The following NCR1 variants were observed in gnomAD, a reference collection of about 807,000 sequenced individuals.
NCR1 encodes the protein NK cell-activating receptor.
Under a neutral mutation model 32.5 loss-of-function variants are expected in NCR1, and 30 were observed. That is an observed-to-expected ratio of 0.92 (90% CI 0.69 to 1.25). The LOEUF is 1.25. NCR1 is among the 50% of genes most tolerant of loss of function. The pLI is 0.00. For synonymous variants in NCR1, 169 were observed against 143.4 expected (o/e 1.18, Z -1.28); for missense variants, 369 against 380.7 (o/e 0.97, Z 0.26).
chr19:54,918,553 C>T (rs1002960294), downstream of NCR1, among the ~76,000 whole-genome samples: 8 of 152,024 alleles, frequency 5.3e-5, no homozygotes, highest in Non-Finnish European at 1.0e-4. Context: ...AGATTACAGG[C>T]GTGAGCGACC....
the NCR1 span, among the ~76,000 whole-genome samples, chr19:54,934,314 T>C: frequency 6.6e-6 from 1 of 152,128 alleles, no homozygotes; most frequent in African/African-American, 2.4e-5. The surrounding 1 kb of genome is among the most constrained non-coding windows in gnomAD (Gnocchi z 6.7). Context: ...TGAACTCAGA[T>C]GATCCGCCCA....
chr19:54,903,211 C>T (rs1055312703), upstream of NCR1, among the ~76,000 whole-genome samples: 2 of 151,420 alleles, frequency 1.3e-5, no homozygotes, highest in Non-Finnish European at 2.9e-5. Flanking sequence ...CATGTATCCA[C>T]CAGGATATAT....
downstream of NCR1, among the ~76,000 whole-genome samples, chr19:54,914,887 G>A (rs138056783): frequency 5.4e-3 from 815 of 151,932 alleles, 8 homozygotes; most frequent in African/African-American, 0.019. Flanking sequence ...CTAGAGGCGC[G>A]CGCCACCACA....
chr19:54,901,020 C>T, the NCR1 span, among the ~76,000 whole-genome samples: 1 of 150,818 alleles, frequency 6.6e-6, no homozygotes, highest in African/African-American at 2.4e-5. Flanking sequence ...TGCGGTGGCT[C>T]ACGCCTGTAA....
chr19:54,912,640 A>AT, intron 6 of NCR1, 50 bp from the exon 7 acceptor site: 1 of 522,358 alleles, frequency 1.9e-6, no homozygotes, highest in Non-Finnish European at 3.3e-6. Flanking sequence ...AAAAAAAAAG[A>AT]GGGTGTCCTT....
At chr19:54,903,425 TGTATACACGCATAC>T, upstream of NCR1, among the ~76,000 whole-genome samples, 1 of 146,102 alleles carries the variant, frequency 6.8e-6, no homozygotes, top group Non-Finnish European at 1.5e-5. Flanking sequence ...CATACATGTA[TGTATACACGCATAC>T]ATGTATGTAT....
the NCR1 span, among the ~76,000 whole-genome samples, chr19:54,930,979 C>T: frequency 6.7e-6 from 1 of 150,190 alleles, no homozygotes; most frequent in Non-Finnish European, 1.5e-5. Flanking sequence ...GCTGAGATCG[C>T]GCCACTGCAC....
intron 4 of NCR1, 118 bp downstream of exon 4, chr19:54,909,641 G>A (rs587664977): frequency 7.8e-7 from 1 of 1,290,228 alleles, no homozygotes; most frequent in South Asian, 1.5e-5. Context: ...TGGGTGCCTG[G>A]TTGGTCATGT....
intron 5 of NCR1, 110 bp downstream of exon 5, chr19:54,910,175 G>A (rs1051240852): frequency 1.5e-5 from 16 of 1,081,048 alleles, no homozygotes; most frequent in South Asian, 5.2e-5. Context: ...GGTGGCTCAC[G>A]CCTGTAATCC....
chr19:54,937,762 T>C, the NCR1 span, among the ~76,000 whole-genome samples: 1 of 151,604 alleles, frequency 6.6e-6, no homozygotes, highest in Non-Finnish European at 1.5e-5. Flanking sequence ...CCGGGCAAGG[T>C]GGCACATGCC....
intron 2 of NCR1, 34 bp from the exon 3 acceptor site, chr19:54,906,489 T>C (rs2146032699): frequency 6.3e-7 from 1 of 1,599,694 alleles, no homozygotes; most frequent in Middle Eastern, 1.8e-4. Context: ...GGGAGGGGGC[T>C]CCGCTGGAAC....
At chr19:54,907,875 A>G (rs1196506667) in intron 3 of NCR1, among the ~76,000 whole-genome samples, 1 of 152,090 alleles carries the variant, frequency 6.6e-6, no homozygotes, top group Non-Finnish European at 1.5e-5. Context: ...TGTGTCATAT[A>G]CTTGTGTTGA....
the NCR1 span, chr19:54,927,522 C>T: frequency 7.0e-7 from 1 of 1,428,350 alleles, no homozygotes; most frequent in South Asian, 1.2e-5. Flanking sequence ...CGCCACTGCA[C>T]TCCAGCCTGA....
At chr19:54,926,205 G>GGGGTGT in the NCR1 span, among the ~76,000 whole-genome samples, 40 of 143,744 alleles carry the variant, frequency 2.8e-4, no homozygotes, top group Non-Finnish European at 5.2e-4. Context: ...AATGATTAGG[G>GGGGTGT]GTGTGTGTGT....
chr19:54,937,243 G>A, the NCR1 span, among the ~76,000 whole-genome samples: 1 of 151,114 alleles, frequency 6.6e-6, no homozygotes, highest in Non-Finnish European at 1.5e-5. Flanking sequence ...TCAAGAAGCA[G>A]AGGATCAGGA....
the NCR1 span, among the ~76,000 whole-genome samples, chr19:54,925,131 C>G: frequency 6.6e-6 from 1 of 152,000 alleles, no homozygotes; most frequent in African/African-American, 2.4e-5. Flanking sequence ...GTCTCAAACT[C>G]CTGGCCTCAA....
the NCR1 span, chr19:54,927,519 G>A: frequency 1.3e-5 from 18 of 1,362,422 alleles, no homozygotes; most frequent in East Asian, 3.7e-4. Flanking sequence ...TTGCGCCACT[G>A]CACTCCAGCC....
chr19:54,910,380 A>G (rs587597319), intron 5 of NCR1, among the ~76,000 whole-genome samples: 5 of 151,980 alleles, frequency 3.3e-5, no homozygotes, highest in Admixed American at 6.6e-5. Flanking sequence ...GACCAGCCTG[A>G]CCAACATGGT....
At chr19:54,907,149 GTTTT>G (rs111928722) in intron 3 of NCR1, among the ~76,000 whole-genome samples, 1 of 141,144 alleles carries the variant, frequency 7.1e-6, no homozygotes. Context: ...CAGGTGGTGG[GTTTT>G]TTTTTTTTTT....
Sources: allele counts gnomAD v4.1 joint callset (sites outside exome capture counted in the v4.1 genomes callset), GRCh38; gene constraint gnomAD v4.1.1; non-coding constraint Gnocchi (gnomAD v3.1); transcripts MANE v1.5; gene names NCBI Gene and HGNC (gene_info 2026-07-23, HGNC 2026-07-21).